DLG2: variants seen among roughly 807,000 people sequenced by gnomAD.
The protein encoded by DLG2 is disks large homolog 2.
In DLG2, 45 loss-of-function variants were observed where a neutral mutation model predicts 132.5. That is an observed-to-expected ratio of 0.34 (90% CI 0.27 to 0.44). DLG2 has a LOEUF of 0.44. Among genes scored for constraint, DLG2 ranks in the 20% least tolerant of loss-of-function variants. The probability of loss-of-function intolerance (pLI) is 1.00; values close to 1 mark genes in which losing one functional copy is unlikely to be tolerated. For missense variants in DLG2, 1,045 were observed against 1,196.9 expected (o/e 0.87, Z 1.87); for synonymous variants, 424 against 419.6 (o/e 1.01, Z -0.13).
intron 6 of DLG2, among the ~76,000 whole-genome samples, chr11:84,788,145 C>T (rs1432226200): frequency 7.4e-6 from 1 of 134,706 alleles, no homozygotes; most frequent in Non-Finnish European, 1.6e-5. Context: ...GAAACCACAT[C>T]AATCTCCACA....
intron 2 of DLG2, among the ~76,000 whole-genome samples, chr11:85,618,899 T>C (rs111594718): frequency 0.012 from 1,895 of 152,290 alleles, 21 homozygotes; most frequent in Middle Eastern, 0.031. Flanking sequence ...CTTGAGCAGA[T>C]TTCCAAAAAC....
chr11:84,535,483 T>A (rs957597104), intron 6 of DLG2, among the ~76,000 whole-genome samples: 2 of 152,226 alleles, frequency 1.3e-5, no homozygotes, highest in African/African-American at 4.8e-5. Context: ...CTTAACCATC[T>A]TGCTTACACA....
chr11:84,707,920 G>C (rs2059950028), intron 6 of DLG2, among the ~76,000 whole-genome samples: 1 of 151,796 alleles, frequency 6.6e-6, no homozygotes, highest in African/African-American at 2.4e-5. Context: ...TCAGTCCCCG[G>C]AAAATGCTCA....
intron 3 of DLG2, among the ~76,000 whole-genome samples, chr11:85,419,231 A>T (rs2152992293): frequency 6.6e-6 from 1 of 152,280 alleles, no homozygotes. Flanking sequence ...TATTTTCTTT[A>T]AGAGTGTTGA....
chr11:85,210,846 C>T (rs925036919), intron 4 of DLG2, among the ~76,000 whole-genome samples: 2 of 152,028 alleles, frequency 1.3e-5, no homozygotes, highest in African/African-American at 2.4e-5. Flanking sequence ...TTCCCTAAAC[C>T]TTCTTCCTTC....
intron 18 of DLG2, among the ~76,000 whole-genome samples, chr11:83,746,676 T>C (rs1320819475): frequency 1.3e-5 from 2 of 152,122 alleles, no homozygotes; most frequent in Admixed American, 6.5e-5. Flanking sequence ...TGTATACATA[T>C]GTAACAAACC....
intron 4 of DLG2, among the ~76,000 whole-genome samples, chr11:85,209,868 C>G (rs929282661): frequency 2.6e-5 from 4 of 152,140 alleles, no homozygotes; most frequent in African/African-American, 7.2e-5. Flanking sequence ...TGCCTCCTTG[C>G]TGGTCCTCTG....
rs1356758303 is a variant in DLG2 at position 84,703,866 on chromosome 11, A to ATATATATATATATATATATG, written c.358-169136_358-169135insCATATATATATATATATATA. On this transcript the variant is annotated intron_variant, in intron 6 of 27. Transcript: ENST00000376104. The stretch of plus-strand genomic sequence containing the variant: ...AAAACTATGTAGTGAAGATATATAT[A>ATATATATATATATATATATG]TATATATATATATATATACACGTGT... Among the ~76,000 whole-genome samples the ATATATATATATATATATATG allele has an allele frequency of 2.9e-4, 34 of 118,338 alleles. 2 individuals carry two copies. Among genetic ancestry groups the ATATATATATATATATATATG allele is most frequent in the African/African-American group, 1.5e-3 (33 of 22,444 alleles). The allele number at this position is 118,338 out of a possible 152,430, so 77.6% of individuals were successfully genotyped here. A position where few individuals can be genotyped will look rare whatever the true frequency, so the allele number is the denominator to read the frequency against.
At chr11:83,653,748 A>C (rs1477156746) in intron 18 of DLG2, among the ~76,000 whole-genome samples, 2 of 152,030 alleles carry the variant, frequency 1.3e-5, no homozygotes, top group Non-Finnish European at 2.9e-5. Context: ...TTTTAGATGG[A>C]GTCTTGCTCT....
At chr11:84,708,242 T>C (rs1465757368) in intron 6 of DLG2, among the ~76,000 whole-genome samples, 1 of 151,916 alleles carries the variant, frequency 6.6e-6, no homozygotes, top group Non-Finnish European at 1.5e-5. Flanking sequence ...AGAGATGTTG[T>C]ATTAAGGGAT....
At chr11:85,090,239 G>A (rs890728978) in intron 6 of DLG2, among the ~76,000 whole-genome samples, 1 of 152,178 alleles carries the variant, frequency 6.6e-6, no homozygotes, top group Admixed American at 6.5e-5. Context: ...ACACTGTAGA[G>A]TGGGCTTGGT....
At chr11:84,167,899 C>A (rs1011510876) in intron 8 of DLG2, among the ~76,000 whole-genome samples, 3 of 152,156 alleles carry the variant, frequency 2.0e-5, no homozygotes, top group African/African-American at 7.2e-5. Flanking sequence ...CTCCTGACCT[C>A]AGGAGATCCA....
At chr11:85,456,207 G>A (rs910081833) in intron 3 of DLG2, among the ~76,000 whole-genome samples, 5 of 152,100 alleles carry the variant, frequency 3.3e-5, no homozygotes, top group African/African-American at 1.2e-4. Context: ...GGTTGTATGT[G>A]TCCAGGAATT....
chr11:85,399,434 A>T lies in DLG2; in HGVS notation c.41-114069T>A, dbSNP rs547569622. On this transcript the variant is annotated intron_variant, in intron 3 of 27. Coordinates refer to ENST00000376104, the MANE Select transcript of DLG2 (RefSeq NM_001142699.3). ...TCACAGAATTGGAAAAAACTATTTT[A>T]AAGTTCATATGGAACCAAAAAAGAG... is the stretch of plus-strand genomic sequence containing the variant. Among the ~76,000 whole-genome samples the T allele has an allele frequency of 7.9e-5, 12 of 152,316 alleles. No individual in the cohort carries two copies. The South Asian group carries it at 2.5e-3, about 32-fold the overall frequency.
intron 16 of DLG2, among the ~76,000 whole-genome samples, chr11:83,862,283 A>C (rs928492341): frequency 6.6e-6 from 1 of 152,198 alleles, no homozygotes; most frequent in Admixed American, 6.5e-5. Context: ...AGATCCTGTC[A>C]TTGGCAACAA....
intron 7 of DLG2, among the ~76,000 whole-genome samples, chr11:84,341,340 T>C (rs2098513661): frequency 6.6e-6 from 1 of 152,132 alleles, no homozygotes; most frequent in South Asian, 2.1e-4. Context: ...GAAATTCATA[T>C]TGCCTTAACT....
At chr11:84,890,892 T>TG (rs1296285195) in intron 6 of DLG2, 1 of 152,212 alleles carries the variant, frequency 6.6e-6, no homozygotes. Flanking sequence ...CATGTCATGC[T>TG]GGGGGACAGA....
At chr11:83,804,779 T>G (rs2045488313) in intron 17 of DLG2, among the ~76,000 whole-genome samples, 1 of 152,150 alleles carries the variant, frequency 6.6e-6, no homozygotes, top group African/African-American at 2.4e-5. Context: ...ACATTTAATA[T>G]ATTGCACCTA....
At position 85,110,353 on chromosome 11, in the gene DLG2, G is replaced by T. The variant is rs969883693; in HGVS notation, c.357+1308C>A. Among the ~76,000 whole-genome samples the T allele has an allele frequency of 5.9e-5, 9 of 152,070 alleles. No individual in the cohort carries two copies. The East Asian group carries it at 1.7e-3, about 30-fold the overall frequency. ...GAATCACTTGAATCCAGGAGGTGGA[G>T]GCTGCAGTGAGCCAAGATCATGCCA... On this transcript the variant is annotated intron_variant, in intron 6 of 27. Coordinates refer to ENST00000376104, the MANE Select transcript of DLG2 (RefSeq NM_001142699.3).
Sources: allele counts gnomAD v4.1 joint callset (sites outside exome capture counted in the v4.1 genomes callset), GRCh38; gene constraint gnomAD v4.1.1; transcripts MANE v1.5; gene names NCBI Gene and HGNC (gene_info 2026-07-23, HGNC 2026-07-21).